ABCA1: variants seen among roughly 807,000 people sequenced by gnomAD.
ABCA1 encodes ATP binding cassette subfamily A member 1, also known as phospholipid-transporting ATPase ABCA1.
ABCA1 carries 133 observed loss-of-function variants against 262.5 expected under a neutral mutation model. The observed-to-expected ratio is 0.51, with a 90% CI of 0.44 to 0.59. The LOEUF is 0.59. Among genes scored for constraint, ABCA1 ranks in the 20% least tolerant of loss-of-function variants. The pLI is 0.00. For synonymous variants in ABCA1, 1,022 were observed against 1,043.5 expected, an observed-to-expected ratio of 0.98 and a Z score of 0.40; for missense variants, 2,452 against 2,777.5, an observed-to-expected ratio of 0.88 and a Z score of 2.63.
At chr9:104,866,239 G>A (rs1466558044) in intron 5 of ABCA1, among the ~76,000 whole-genome samples, 1 of 152,124 alleles carries the variant, frequency 6.6e-6, no homozygotes, top group East Asian at 1.9e-4. Flanking sequence ...GTAGGAAGGG[G>A]AGAAAAAAGG....
rs758528838 is a variant in ABCA1 at position 104,803,270 on chromosome 9, A to G, written c.4592+14T>C. Reference sequence around the variant, plus strand: ...TCCCCCTGAGCTAAACGTGCCAGAAAGACAGCAACTTACCTAAACTCATTC... The same window carrying G: ...TCCCCCTGAGCTAAACGTGCCAGAAGGACAGCAACTTACCTAAACTCATTC... On this transcript the variant is annotated intron_variant, in intron 33 of 49. Transcript: ENST00000374736. 1.2e-6 allele frequency: 2 copies of G among 1,614,162 alleles called. No individual in the cohort carries two copies. The highest frequency in any genetic ancestry group is 1.1e-5 in the South Asian group (1 of 91,086).
chr9:104,789,078 G>C (rs1486440638), intron 44 of ABCA1, among the ~76,000 whole-genome samples: 1 of 152,206 alleles, frequency 6.6e-6, no homozygotes, highest in African/African-American at 2.4e-5. Flanking sequence ...GAGAAGTTCA[G>C]TGTTCACGTT....
At chr9:104,924,426 A>G (rs1344029667) in intron 1 of ABCA1, among the ~76,000 whole-genome samples, 1 of 152,206 alleles carries the variant, frequency 6.6e-6, no homozygotes, top group Admixed American at 6.5e-5. Context: ...CCTGGCCAAC[A>G]TGGTGAAACC....
intron 12 of ABCA1, among the ~76,000 whole-genome samples, chr9:104,832,087 T>A: frequency 6.6e-6 from 1 of 152,174 alleles, no homozygotes; most frequent in East Asian, 1.9e-4. Flanking sequence ...AAAACAATGA[T>A]CTTATCTTAC....
At chr9:104,884,260 C>T (rs905514204) in intron 4 of ABCA1, among the ~76,000 whole-genome samples, 167 bp downstream of exon 4, 1 of 152,148 alleles carries the variant, frequency 6.6e-6, no homozygotes, top group Non-Finnish European at 1.5e-5. Flanking sequence ...CCAAATACCC[C>T]AAATTCTCCA....
intron 6 of ABCA1, among the ~76,000 whole-genome samples, chr9:104,860,948 G>C (rs914169581): frequency 3.9e-5 from 6 of 151,948 alleles, no homozygotes; most frequent in Non-Finnish European, 7.4e-5. Context: ...GTAGAGACAG[G>C]CTTTGCCATG....
chr9:104,926,813 A>G (rs1826381912), intron 1 of ABCA1, among the ~76,000 whole-genome samples: 3 of 152,232 alleles, frequency 2.0e-5, no homozygotes, highest in Non-Finnish European at 4.4e-5. Flanking sequence ...CCGAGAGACC[A>G]GCAGCAACGG....
In ABCA1 at chr9:104,812,602, C is replaced by G. The variant is rs147743782; in HGVS notation, c.4022G>C (p.Arg1341Thr). ...AGCAAAAAATCCTTTCCGACTCCGTCTGGCAATTAGCAGTCTCTTCCACAA... is the reference window on the plus strand; with the variant it reads ...AGCAAAAAATCCTTTCCGACTCCGTGTGGCAATTAGCAGTCTCTTCCACAA... ...ALLWKRLLIA[R>T]RSRKGFFAQI... Residue 1341 changes from arginine to threonine, a missense_variant, in exon 28 of 50, where the codon AGA (arginine) becomes ACA (threonine). Arg to Thr is a moderately conservative substitution (Grantham distance 71). This residue lies in a region of ABCA1 where 665 missense variants were observed against 727.3 expected (regional missense o/e 0.91). Coordinates refer to ENST00000374736, the MANE Select transcript of ABCA1 (RefSeq NM_005502.4). 1.4e-4 allele frequency: 234 copies of G among 1,614,208 alleles called. 1 individual carries two copies. In the African/African-American group the frequency reaches 2.8e-3, roughly 19 times the overall value.
intron 8 of ABCA1, among the ~76,000 whole-genome samples, chr9:104,842,028 C>T (rs1036078637): frequency 5.3e-5 from 8 of 152,228 alleles, no homozygotes; most frequent in African/African-American, 1.7e-4. Flanking sequence ...AGGCCCTGCA[C>T]CCAGCCTGGA....
intron 7 of ABCA1, among the ~76,000 whole-genome samples, chr9:104,850,869 T>C (rs1267737147): frequency 6.6e-6 from 1 of 152,230 alleles, no homozygotes; most frequent in African/African-American, 2.4e-5. Flanking sequence ...ACAAGTGACT[T>C]TCTTATACGA....
intron 2 of ABCA1, 138 bp from the exon 3 acceptor site, chr9:104,889,333 C>A: frequency 6.5e-7 from 1 of 1,532,138 alleles, no homozygotes; most frequent in Non-Finnish European, 8.8e-7. Flanking sequence ...ACTCTCTAAG[C>A]TTTAACAGAA....
Position 104,822,477 on chromosome 9 carries a change from AACCAC to A in ABCA1, c.2828+14_2828+18del. 6.2e-7 allele frequency: 1 copy of A among 1,612,654 alleles called. No individual in the cohort carries two copies. The highest frequency in any genetic ancestry group is 1.1e-5 in the South Asian group (1 of 91,006). Reference sequence around the variant, plus strand: ...ACCCTCCTGTGGCTGATTCTGCGGGAACCACACCCTCTTCTTACATGGTGGTCGTC... The same window carrying A: ...ACCCTCCTGTGGCTGATTCTGCGGGAACCCTCTTCTTACATGGTGGTCGTC... On this transcript the variant is annotated intron_variant, in intron 19 of 49. Coordinates refer to ENST00000374736, the MANE Select transcript of ABCA1 (RefSeq NM_005502.4).
intron 1 of ABCA1, among the ~76,000 whole-genome samples, chr9:104,911,197 C>T (rs1467254327): frequency 6.6e-6 from 1 of 152,182 alleles, no homozygotes; most frequent in East Asian, 1.9e-4. Context: ...GGTGCCAAAG[C>T]TCTGATTGCC....
At chr9:104,880,204 A>AT (rs1838507369) in intron 5 of ABCA1, among the ~76,000 whole-genome samples, 1 of 152,186 alleles carries the variant, frequency 6.6e-6, no homozygotes, top group Non-Finnish European at 1.5e-5. Flanking sequence ...CCTGGGAGAG[A>AT]CAGCACAGGA....
At position 104,787,951 on chromosome 9, in the gene ABCA1, G is replaced by A. The variant is rs1446252009; in HGVS notation, c.6173C>T (p.Ala2058Val). 6.2e-7 allele frequency: 1 copy of A among 1,614,050 alleles called. No homozygotes were observed. Among genetic ancestry groups the A allele is most frequent in the Non-Finnish European group, 8.5e-7 (1 of 1,180,032 alleles). Reference protein sequence around the residue: ...GNKRKLSTAMALIGGPPVVFL... With the variant: ...GNKRKLSTAMVLIGGPPVVFL... ...CACCACAGGAGGCCCGCCGATCAAA[G>A]CCATGGCTGTAGAGAGCTTGCGTTT... The change falls in exon 46 of 50, where the codon GCT becomes GTT. Residue 2058 changes from alanine (A) to valine (V), a missense_variant. Ala to Val is a moderately conservative substitution (Grantham distance 64). This residue lies in a region of ABCA1 where 752 missense variants were observed against 944.5 expected (regional missense o/e 0.80). Coordinates refer to ENST00000374736, the MANE Select transcript of ABCA1 (RefSeq NM_005502.4).
chr9:104,785,332 C>A (rs1251317914), intron 49 of ABCA1, 64 bp downstream of exon 49: 1 of 1,601,610 alleles, frequency 6.2e-7, no homozygotes, highest in Non-Finnish European at 8.5e-7. Flanking sequence ...GACCTATGGG[C>A]GGGAGTGTCG....
At chr9:104,886,955 G>T (rs1186538817) in intron 3 of ABCA1, among the ~76,000 whole-genome samples, 4 of 152,210 alleles carry the variant, frequency 2.6e-5, no homozygotes, top group African/African-American at 9.7e-5. Flanking sequence ...CCTGGAGGGT[G>T]ATGAGAAAAG....
At chr9:104,882,212 G>A (rs1197249234) in intron 5 of ABCA1, among the ~76,000 whole-genome samples, 1 of 152,118 alleles carries the variant, frequency 6.6e-6, no homozygotes, top group Admixed American at 6.5e-5. Flanking sequence ...AGCAGTGGCA[G>A]CCATTGGTCC....
rs1374479857 is a variant in ABCA1, at chr9:104,781,979, G to A, written c.*2336C>T. On this transcript the variant is annotated 3_prime_UTR_variant, in exon 50 of 50. Coordinates refer to ENST00000374736, the MANE Select transcript of ABCA1 (RefSeq NM_005502.4). Reference sequence around the variant, plus strand: ...TAGATTGTTTCTAGCTTCAGAAGAGGTCCTTTCAATCTGTATTAAAATGTT... The same window carrying A: ...TAGATTGTTTCTAGCTTCAGAAGAGATCCTTTCAATCTGTATTAAAATGTT... 2.0e-5 allele frequency: 3 copies of A among 152,126 alleles called. No individual in the cohort carries two copies. The East Asian group carries it at 5.8e-4, about 29-fold the overall frequency. The allele number at this position is 152,126 out of a possible 1,614,324, so 9.4% of individuals were successfully genotyped here. A position where few individuals can be genotyped will look rare whatever the true frequency, so the allele number is the denominator to read the frequency against.
Sources: allele counts gnomAD v4.1 joint callset (sites outside exome capture counted in the v4.1 genomes callset), GRCh38; gene constraint gnomAD v4.1.1; regional missense constraint gnomAD v4.1.1; transcripts MANE v1.5; gene names NCBI Gene and HGNC (gene_info 2026-07-23, HGNC 2026-07-21).